Variants in MGAM observed in about 807,000 individuals in gnomAD.
The protein encoded by MGAM is alpha-1,4-glucosidase.
Under a neutral mutation model 358.8 loss-of-function variants are expected in MGAM, and 253 were observed. That is an observed-to-expected ratio of 0.71 (90% confidence interval 0.64 to 0.78). The LOEUF (loss-of-function observed/expected upper bound fraction) is 0.78. Ranked by LOEUF, MGAM falls within the 30% of genes least tolerant of loss-of-function variation. MGAM has a pLI of 0.00. For synonymous variants in MGAM, 1,105 were observed against 1,227.1 expected, an observed-to-expected ratio of 0.90 and a Z score of 2.08; for missense variants, 3,080 against 3,432.6, an observed-to-expected ratio of 0.90 and a Z score of 2.57.
intron 3 of MGAM, among the ~76,000 whole-genome samples, chr7:142,018,447 C>G (rs189480507): frequency 6.6e-6 from 1 of 152,168 alleles, no homozygotes; most frequent in Non-Finnish European, 1.5e-5. Context: ...TTGAAAGCAG[C>G]GTCTCATTGT....
chr7:142,029,917 G>A (rs1554462714), intron 10 of MGAM, among the ~76,000 whole-genome samples: 1 of 152,172 alleles, frequency 6.6e-6, no homozygotes, highest in African/African-American at 2.4e-5. Flanking sequence ...CAACAAAGAT[G>A]TGGGGTAGAA....
chr7:142,022,249 G>GT lies in MGAM; in HGVS notation c.711-17dup, dbSNP rs1299524506. 5.7e-6 allele frequency: 9 copies of GT among 1,587,924 alleles called. No individual in the cohort carries two copies. In the Admixed American group the frequency reaches 1.4e-4, roughly 25 times the overall value. On this transcript the variant is annotated intron_variant, in intron 6 of 70. Transcript: ENST00000475668. ...ACCCTGCTTGCTCACCCATCCTTGT[G>GT]TTCTCCACCTGTGTCTAGGTTTGAC...
At chr7:142,065,131 T>G (rs1168611457) in intron 37 of MGAM, among the ~76,000 whole-genome samples, 1 of 152,130 alleles carries the variant, frequency 6.6e-6, no homozygotes, top group African/African-American at 2.4e-5. Flanking sequence ...TACAGTGAAG[T>G]TCTTTGTAAA....
At position 142,055,831 on chromosome 7, in the gene MGAM, T is replaced by C. The variant is rs531994303; in HGVS notation, c.3483+105T>C. 1.8e-5 allele frequency: 28 copies of C among 1,551,642 alleles called. No individual in the cohort carries two copies. In the East Asian group the frequency reaches 6.4e-4, roughly 35 times the overall value. On this transcript the variant is annotated intron_variant, in intron 28 of 70. Transcript: ENST00000475668. The stretch of plus-strand genomic sequence containing the variant: ...ACTCCACTTGGTCATCACATTCTGC[T>C]TTTAGGCAAGTGGGCCAATTCTCAG...
In MGAM at chr7:142,074,181, C is replaced by G. The variant is rs769629173; in HGVS notation, c.5275+8C>G. On this transcript the variant is annotated splice_region_variant and intron_variant, in intron 45 of 70. Transcript: ENST00000475668. ...ATGATGGGCAAACAAAGGGTGAGCG[C>G]TGTTACAATAATGTTGCTGTTTCCC... The G allele has an allele frequency of 6.6e-7, 1 of 1,509,320 alleles. No individual in the cohort carries two copies. The highest frequency in any genetic ancestry group is 1.3e-5 in the African/African-American group (1 of 74,276). The allele number at this position is 1,509,320 out of a possible 1,614,324, so 93.5% of individuals were successfully genotyped here. A position where few individuals can be genotyped will look rare whatever the true frequency, so the allele number is the denominator to read the frequency against.
At chr7:142,055,047 C>A in intron 27 of MGAM, 139 bp downstream of exon 27, 1 of 1,044,638 alleles carries the variant, frequency 9.6e-7, no homozygotes, top group Non-Finnish European at 1.4e-6. Flanking sequence ...TCCTTCAGAC[C>A]TATTCTTACA....
intron 3 of MGAM, 43 bp downstream of exon 3, chr7:142,008,748 C>T: frequency 6.3e-7 from 1 of 1,577,328 alleles, no homozygotes. Context: ...ATTTATGCAA[C>T]TTGATAGTTT....
At chr7:142,034,933 C>A in intron 16 of MGAM, 92 bp downstream of exon 16, 2 of 1,251,494 alleles carry the variant, frequency 1.6e-6, no homozygotes, top group Admixed American at 2.3e-5. Context: ...CCCTCTCCTG[C>A]CTGCCATGGC....
chr7:141,992,957 G>A (rs1804010651), upstream of MGAM, among the ~76,000 whole-genome samples: 1 of 152,146 alleles, frequency 6.6e-6, no homozygotes, highest in Non-Finnish European at 1.5e-5. Flanking sequence ...TAAATTCTTT[G>A]ATTCTATGAT....
At chr7:142,019,395 G>T (rs1443534559) in intron 4 of MGAM, 76 bp downstream of exon 4, 2 of 1,503,246 alleles carry the variant, frequency 1.3e-6, no homozygotes, top group South Asian at 1.2e-5. Flanking sequence ...GGGGCAGCCT[G>T]CAGAGTTCTG....
intron 3 of MGAM, among the ~76,000 whole-genome samples, chr7:142,012,421 G>A (rs1458362675): frequency 2.0e-5 from 3 of 152,096 alleles, no homozygotes; most frequent in Non-Finnish European, 4.4e-5. Flanking sequence ...TGTCTGGGAG[G>A]AGGCTTCATG....
At position 142,084,506 on chromosome 7, in the gene MGAM, G is replaced by C; in HGVS notation, c.6382-13G>C. The C allele has an allele frequency of 6.4e-7, 1 of 1,553,124 alleles. No individual in the cohort carries two copies. The highest frequency in any genetic ancestry group is 8.8e-7 in the Non-Finnish European group (1 of 1,130,656). ...TCTGTTCTGAGGACTAATATTTTCT[G>C]TCTATTTTCTAGTTGATTGGCCGGC... On this transcript the variant is annotated splice_polypyrimidine_tract_variant and intron_variant, in intron 53 of 70. Coordinates refer to ENST00000475668, the MANE Select transcript of MGAM (RefSeq NM_001365693.1).
chr7:142,058,064 A>G (rs1270168335), intron 30 of MGAM, 139 bp from the exon 31 acceptor site: 4 of 1,365,030 alleles, frequency 2.9e-6, no homozygotes, highest in African/African-American at 1.4e-5. Context: ...TAGTGGCTCT[A>G]TATCCTGTCA....
At chr7:141,987,014 A>G (rs1268803878) in intron 2 of MGAM, among the ~76,000 whole-genome samples, 2 of 152,158 alleles carry the variant, frequency 1.3e-5, no homozygotes, top group African/African-American at 2.4e-5. Flanking sequence ...ATGATTAGAC[A>G]TTTTTGGTGG....
intron 35 of MGAM, among the ~76,000 whole-genome samples, chr7:142,063,082 C>A (rs1233341039): frequency 6.6e-6 from 1 of 152,144 alleles, no homozygotes; most frequent in African/African-American, 2.4e-5. Context: ...CCTATAATCC[C>A]AGCTATTTGG....
chr7:142,105,488 A>T (rs982327176), intron 70 of MGAM, among the ~76,000 whole-genome samples: 4 of 152,136 alleles, frequency 2.6e-5, no homozygotes, highest in Non-Finnish European at 5.9e-5. Flanking sequence ...GGGTTTCACC[A>T]TGTTGGCCAG....
intron 30 of MGAM, 36 bp downstream of exon 30, chr7:142,056,978 A>C (rs773505990): frequency 3.1e-6 from 5 of 1,597,312 alleles, no homozygotes; most frequent in South Asian, 2.2e-5. Context: ...AAGTACTTAC[A>C]CAGCACATTC....
chr7:142,077,099 A>G (rs1175323612), intron 47 of MGAM, among the ~76,000 whole-genome samples: 1 of 145,870 alleles, frequency 6.9e-6, no homozygotes, highest in Non-Finnish European at 1.6e-5. Flanking sequence ...CAAAAATAGA[A>G]TAATTATGAT....
rs1356967049 is a variant in MGAM, at chr7:142,089,016, C to G, written c.6810+2299C>G. 3.8e-4 allele frequency among the ~76,000 whole-genome samples: 54 copies of G among 143,466 alleles called. 8 individuals are homozygous for G. Among genetic ancestry groups the G allele is most frequent in the South Asian group, 1.6e-3 (7 of 4,450 alleles). 94.1% of individuals were successfully genotyped at this position (143,466 alleles called of 152,430 possible). A position where few individuals can be genotyped will look rare whatever the true frequency, so the allele number is the denominator to read the frequency against. ...TGTATGTATCTATCTATCTATCTATCTATCTATCTATCTATCTATACTGTT... is the reference window on the plus strand; with the variant it reads ...TGTATGTATCTATCTATCTATCTATGTATCTATCTATCTATCTATACTGTT... On this transcript the variant is annotated intron_variant, in intron 57 of 70. Coordinates refer to ENST00000475668, the MANE Select transcript of MGAM (RefSeq NM_001365693.1).
Sources: gnomAD v4.1 joint callset for allele counts (sites outside exome capture counted in the v4.1 genomes callset) on GRCh38, gnomAD v4.1.1 for gene constraint, MANE v1.5 for transcripts, NCBI Gene and HGNC (gene_info 2026-07-23, HGNC 2026-07-21) for gene names.